The following ZNF329 variants were observed in gnomAD, a reference collection of about 807,000 sequenced individuals.
The protein encoded by ZNF329 is zinc finger protein 329.
In ZNF329, 15 loss-of-function variants were observed where a neutral mutation model predicts 26.6. The ratio of observed to expected loss-of-function variants is 0.56; its 90% CI spans 0.38 to 0.87. The LOEUF is 0.87. ZNF329 is among the 40% of genes least tolerant of loss of function. ZNF329 has a pLI of 0.00. For synonymous variants in ZNF329, 239 were observed against 233.5 expected (o/e 1.02, Z -0.21); for missense variants, 651 against 651.9 (o/e 1.00, Z 0.02).
Position 58,127,804 on chromosome 19 carries a change from G to C in ZNF329, c.*74C>G. 1 of 1,355,026 alleles carries C rather than the reference G, an allele frequency of 7.4e-7. No homozygotes were observed. The highest frequency in any genetic ancestry group is 1.0e-6 in the Non-Finnish European group (1 of 987,944). 83.9% of individuals were successfully genotyped at this position (1,355,026 alleles called of 1,614,324 possible). On this transcript the variant is annotated 3_prime_UTR_variant, in exon 4 of 4. Transcript: ENST00000598312. ...AGGATTCTTTTCTACTGACCAGAGAGGAGTCAGATCTAAGACACGCCTCCT... is the reference window on the plus strand; with the variant it reads ...AGGATTCTTTTCTACTGACCAGAGACGAGTCAGATCTAAGACACGCCTCCT...
intron 1 of ZNF329, among the ~76,000 whole-genome samples, chr19:58,147,659 C>A (rs552020395): frequency 6.8e-6 from 1 of 147,676 alleles, no homozygotes; most frequent in Non-Finnish European, 1.5e-5. Flanking sequence ...GCCAGCCCCC[C>A]GCCCGGCCAG....
At chr19:58,146,068 A>G (rs1383374171) in intron 1 of ZNF329, among the ~76,000 whole-genome samples, 4 of 152,160 alleles carry the variant, frequency 2.6e-5, no homozygotes, top group African/African-American at 7.2e-5. Flanking sequence ...ATGACAAGTC[A>G]ATGTAACACA....
intron 1 of ZNF329, among the ~76,000 whole-genome samples, chr19:58,148,515 T>C (rs77485821): frequency 1.1e-4 from 16 of 147,226 alleles, no homozygotes; most frequent in Non-Finnish European, 1.9e-4. Flanking sequence ...AAAAAAAAAG[T>C]ATACTTGGGT....
In ZNF329 at chr19:58,129,093, A is replaced by G. The variant is rs761892879; in HGVS notation, c.411T>C (p.His137=). Residue 137 remains histidine, a synonymous_variant, in exon 4 of 4, where the codon CAT becomes CAC. Coordinates refer to ENST00000598312, the MANE Select transcript of ZNF329 (RefSeq NM_024620.4). ...GCTTCTCTCTCACTGGATTTCTTCC[A>G]TGAATAACTTCCATGGAATGGTTGA... The part of the protein sequence containing the change: ...KGFNHSMEVI[H]GRNPVREKPY... 2.5e-6 allele frequency: 4 copies of G among 1,614,044 alleles called. No homozygotes were observed. The highest frequency in any genetic ancestry group is 3.4e-6 in the Non-Finnish European group (4 of 1,180,042).
intron 3 of ZNF329, among the ~76,000 whole-genome samples, chr19:58,138,976 GAAAAA>G (rs139042700): frequency 6.6e-6 from 1 of 151,520 alleles, no homozygotes; most frequent in African/African-American, 2.4e-5. Context: ...AAAGAAAAAA[GAAAAA>G]AAGAAAATAA....
intron 3 of ZNF329, among the ~76,000 whole-genome samples, chr19:58,142,306 G>A (rs2075206624): frequency 6.6e-6 from 1 of 152,080 alleles, no homozygotes; most frequent in Non-Finnish European, 1.5e-5. Flanking sequence ...CTGTGGCAAT[G>A]GATATACAAG....
intron 1 of ZNF329, among the ~76,000 whole-genome samples, chr19:58,148,873 T>G (rs2075387246): frequency 6.6e-6 from 1 of 152,120 alleles, no homozygotes. Context: ...TACAAGTGTG[T>G]GTAAAATATA....
intron 1 of ZNF329, among the ~76,000 whole-genome samples, chr19:58,149,468 T>C (rs1367125504): frequency 6.6e-6 from 1 of 152,102 alleles, no homozygotes; most frequent in Non-Finnish European, 1.5e-5. Context: ...AGGGAGAAGA[T>C]AAAGATAAAG....
chr19:58,153,425 T>C (rs993724761), upstream of ZNF329, among the ~76,000 whole-genome samples: 1 of 152,186 alleles, frequency 6.6e-6, no homozygotes, highest in Non-Finnish European at 1.5e-5. Flanking sequence ...TGTATATTCT[T>C]GTAGGTCACA....
At chr19:58,141,865 C>T (rs1178593974) in intron 3 of ZNF329, among the ~76,000 whole-genome samples, 1 of 151,400 alleles carries the variant, frequency 6.6e-6, no homozygotes, top group African/African-American at 2.4e-5. Flanking sequence ...TGCACTCCAG[C>T]CTGGGCAACA....
intron 3 of ZNF329, among the ~76,000 whole-genome samples, chr19:58,131,119 A>ATG (rs144702980): frequency 0.17 from 25,178 of 150,048 alleles, 2,386 homozygotes; most frequent in East Asian, 0.28. Context: ...ATATGTGTAT[A>ATG]TGTGTGTGTG....
chr19:58,137,071 AAAAC>A (rs1278124311), intron 3 of ZNF329: 1 of 162,958 alleles, frequency 6.1e-6, no homozygotes, highest in Non-Finnish European at 1.4e-5. Context: ...AAAAAAAAAA[AAAAC>A]AGTTTAAACA....
At chr19:58,152,599 T>C (rs1225578950), upstream of ZNF329, among the ~76,000 whole-genome samples, 1 of 152,142 alleles carries the variant, frequency 6.6e-6, no homozygotes, top group Non-Finnish European at 1.5e-5. Flanking sequence ...GGCTCACAAC[T>C]GTAATCCCAG....
intron 3 of ZNF329, among the ~76,000 whole-genome samples, chr19:58,131,102 T>C (rs2074930248): frequency 6.6e-6 from 1 of 150,572 alleles, no homozygotes; most frequent in Non-Finnish European, 1.5e-5. Context: ...TAAATATATA[T>C]ACATGTATAT....
At chr19:58,131,684 G>C (rs1017978081) in intron 3 of ZNF329, among the ~76,000 whole-genome samples, 1 of 152,048 alleles carries the variant, frequency 6.6e-6, no homozygotes, top group South Asian at 2.1e-4. Context: ...GAAAAAAAAT[G>C]GGCAAAGTAA....
At position 58,128,779 on chromosome 19, in the gene ZNF329, T is replaced by C. The variant is rs780980923; in HGVS notation, c.725A>G (p.Lys242Arg). 7.5e-6 allele frequency: 12 copies of C among 1,600,750 alleles called. No individual in the cohort carries two copies. In the South Asian group the frequency reaches 1.2e-4, roughly 16 times the overall value. Residue 242 changes from lysine (K) to arginine (R), a missense_variant, in exon 4 of 4, where the codon AAG (lysine) becomes AGG (arginine). By Grantham distance (26) the Lys-to-Arg change is conservative. Coordinates refer to ENST00000598312, the MANE Select transcript of ZNF329 (RefSeq NM_024620.4). ...TTGATGCACAATCAGGTTGTAGTTC[T>C]TGGAGAAGGACTTTCCACACTCATT... Reference protein sequence around the residue: ...TCNECGKSFSKNYNLIVHQRI... With the variant: ...TCNECGKSFSRNYNLIVHQRI...
upstream of ZNF329, among the ~76,000 whole-genome samples, chr19:58,154,034 C>T (rs779168462): frequency 6.7e-6 from 1 of 149,868 alleles, no homozygotes; most frequent in Non-Finnish European, 1.5e-5. Flanking sequence ...GACAGTCTTG[C>T]TCTATCGCCC....
intron 3 of ZNF329, among the ~76,000 whole-genome samples, chr19:58,138,880 C>G (rs2075126506): frequency 1.3e-5 from 2 of 151,616 alleles, no homozygotes; most frequent in Admixed American, 6.6e-5. Context: ...ATCTGTAATC[C>G]CAGCTACTCG....
chr19:58,128,987 T>C lies in ZNF329; in HGVS notation c.517A>G (p.Lys173Glu). 1.2e-6 allele frequency: 2 copies of C among 1,613,010 alleles called. No individual in the cohort carries two copies. Among genetic ancestry groups the C allele is most frequent in the Non-Finnish European group, 1.7e-6 (2 of 1,179,388 alleles). ...GHQKIMKRGK[K>E]SYEGKNFENI... ...TCAAAATTCTTACCTTCATACGATTTCTTGCCTCTTTTCATTATTTTCTGA... is the reference window on the plus strand; with the variant it reads ...TCAAAATTCTTACCTTCATACGATTCCTTGCCTCTTTTCATTATTTTCTGA... The change falls in exon 4 of 4, where the codon AAA becomes GAA. Residue 173 changes from lysine to glutamate, a missense_variant. Coordinates refer to ENST00000598312, the MANE Select transcript of ZNF329 (RefSeq NM_024620.4).
Sources: allele counts gnomAD v4.1 joint callset (sites outside exome capture counted in the v4.1 genomes callset), GRCh38; gene constraint gnomAD v4.1.1; transcripts MANE v1.5; gene names NCBI Gene and HGNC (gene_info 2026-07-23, HGNC 2026-07-21).